LDB2: variants seen among roughly 807,000 people sequenced by gnomAD.
The protein encoded by LDB2 is LIM domain-binding protein 2.
In LDB2, 12 loss-of-function variants were observed where a neutral mutation model predicts 44.3. That is an observed-to-expected ratio of 0.27 (90% confidence interval 0.17 to 0.44). LDB2 has a LOEUF of 0.44. Ranked by LOEUF, LDB2 falls within the 20% of genes least tolerant of loss-of-function variation. LDB2 has a pLI of 1.00. For synonymous variants in LDB2, 164 were observed against 174.8 expected (o/e 0.94, Z 0.49); for missense variants, 344 against 473.5 (o/e 0.73, Z 2.54).
intron 2 of LDB2, 39 bp downstream of exon 2, chr4:16,759,119 A>G (rs940199609): frequency 1.4e-6 from 2 of 1,448,642 alleles, no homozygotes; most frequent in African/African-American, 2.8e-5. Context: ...TTACAGGCAC[A>G]AAACGAGGTA....
At chr4:16,542,842 G>A (rs772455724) in intron 5 of LDB2, among the ~76,000 whole-genome samples, 4 of 151,648 alleles carry the variant, frequency 2.6e-5, no homozygotes, top group Non-Finnish European at 4.4e-5. Flanking sequence ...TGTTACATAC[G>A]TATACATGTG....
chr4:16,759,928 TG>T (rs1258079792), intron 1 of LDB2, among the ~76,000 whole-genome samples: 4 of 152,188 alleles, frequency 2.6e-5, no homozygotes, highest in Admixed American at 6.5e-5. Flanking sequence ...GAATTCTGTT[TG>T]TTTGTTTTGG....
chr4:16,520,135 C>G (rs560812041), intron 5 of LDB2, among the ~76,000 whole-genome samples: 37 of 152,176 alleles, frequency 2.4e-4, no homozygotes, highest in African/African-American at 8.9e-4. Context: ...CCCTCCCCTC[C>G]CCGCCGCCCC....
At chr4:16,857,607 A>G (rs1434410180) in intron 1 of LDB2, among the ~76,000 whole-genome samples, 1 of 152,120 alleles carries the variant, frequency 6.6e-6, no homozygotes, top group Non-Finnish European at 1.5e-5. Flanking sequence ...TCCGAGCACA[A>G]AGAGGTCTTT....
At chr4:16,576,599 T>C (rs1240308586) in intron 5 of LDB2, among the ~76,000 whole-genome samples, 1 of 152,116 alleles carries the variant, frequency 6.6e-6, no homozygotes, top group Non-Finnish European at 1.5e-5. Flanking sequence ...AAAAAGGCTT[T>C]CAGCAAAGAA....
At chr4:16,874,425 CCTCT>C (rs541719557) in intron 1 of LDB2, among the ~76,000 whole-genome samples, 96 of 152,098 alleles carry the variant, frequency 6.3e-4, no homozygotes, top group Non-Finnish European at 9.6e-4. Flanking sequence ...TATGATTTAC[CCTCT>C]CTGTCAAGCC....
At chr4:16,782,369 G>C (rs1187804455) in intron 1 of LDB2, among the ~76,000 whole-genome samples, 2 of 105,598 alleles carry the variant, frequency 1.9e-5, no homozygotes. Flanking sequence ...TTTTTTTTTT[G>C]AGACGGAGTC....
intron 2 of LDB2, among the ~76,000 whole-genome samples, chr4:16,743,206 C>T (rs1366331615): frequency 2.0e-5 from 3 of 152,136 alleles, no homozygotes; most frequent in Non-Finnish European, 4.4e-5. Flanking sequence ...ATGAGAATTG[C>T]TTGAACCCAG....
In LDB2 at chr4:16,619,356, T is replaced by C. The variant is rs899672333; in HGVS notation, c.236-23481A>G. On this transcript the variant is annotated intron_variant, in intron 2 of 7. Transcript: ENST00000304523. ...GAACCTCCCCTAGTGGTCCTTCTGC[T>C]GAGAGGATAAATATTTCAGTTTTCA... Among the ~76,000 whole-genome samples, 4 of 152,154 alleles carry C rather than the reference T, an allele frequency of 2.6e-5. 1 individual carries two copies. The highest frequency in any genetic ancestry group is 2.6e-4 in the Admixed American group (4 of 15,270).
chr4:16,687,114 GA>G (rs61404516), intron 2 of LDB2, among the ~76,000 whole-genome samples: 9,374 of 146,650 alleles, frequency 0.064, 521 homozygotes, highest in African/African-American at 0.15. Flanking sequence ...CTATAAACTT[GA>G]AAAAAAAAAC....
chr4:16,656,369 G>C (rs997891219), intron 2 of LDB2, among the ~76,000 whole-genome samples: 4 of 152,174 alleles, frequency 2.6e-5, no homozygotes, highest in African/African-American at 9.7e-5. Context: ...TAGGAGTCCT[G>C]TAGCGCAGCC....
At chr4:16,543,148 A>C (rs1263224150) in intron 5 of LDB2, among the ~76,000 whole-genome samples, 1 of 152,120 alleles carries the variant, frequency 6.6e-6, no homozygotes, top group Non-Finnish European at 1.5e-5. Flanking sequence ...TATATGTGCC[A>C]CATTTCCTTA....
chr4:16,686,605 C>A (rs1749311954), intron 2 of LDB2, among the ~76,000 whole-genome samples: 1 of 152,190 alleles, frequency 6.6e-6, no homozygotes, highest in Admixed American at 6.5e-5. Flanking sequence ...TTCTTCCAAA[C>A]CACTGAGCTG....
At chr4:16,776,835 G>A (rs1331499915) in intron 1 of LDB2, among the ~76,000 whole-genome samples, 1 of 152,178 alleles carries the variant, frequency 6.6e-6, no homozygotes, top group African/African-American at 2.4e-5. Flanking sequence ...GGCCCTGCAG[G>A]GAACGTCTCT....
At chr4:16,717,758 T>C (rs778434010) in intron 2 of LDB2, among the ~76,000 whole-genome samples, 1 of 152,148 alleles carries the variant, frequency 6.6e-6, no homozygotes, top group Admixed American at 6.6e-5. Context: ...CCCAAATTTC[T>C]CCCACGCATT....
At chr4:16,782,066 C>A (rs770486776) in intron 1 of LDB2, among the ~76,000 whole-genome samples, 3 of 152,160 alleles carry the variant, frequency 2.0e-5, no homozygotes, top group Non-Finnish European at 4.4e-5. Flanking sequence ...TTAGGGCAGC[C>A]TAGGAAACAA....
At chr4:16,876,947 A>T (rs1718594706) in intron 1 of LDB2, among the ~76,000 whole-genome samples, 1 of 150,380 alleles carries the variant, frequency 6.6e-6, no homozygotes, top group Non-Finnish European at 1.5e-5. Context: ...TCGCTCTGTC[A>T]CACAGACTGG....
At chr4:16,542,770 CGTTTTGTTTTTGTTTTTT>C (rs1201672085) in intron 5 of LDB2, among the ~76,000 whole-genome samples, 2 of 151,590 alleles carry the variant, frequency 1.3e-5, no homozygotes, top group Non-Finnish European at 1.5e-5. Flanking sequence ...CTTGTGCCTT[CGTTTTGTTTTTGTTTTTT>C]GTTTTGTTTT....
At chr4:16,802,096 G>T (rs1387896556) in intron 1 of LDB2, among the ~76,000 whole-genome samples, 3 of 152,082 alleles carry the variant, frequency 2.0e-5, no homozygotes, top group African/African-American at 7.2e-5. Flanking sequence ...TGTAGGGAAG[G>T]GCTCCAAGTG....
Sources: allele counts gnomAD v4.1 joint callset (sites outside exome capture counted in the v4.1 genomes callset), GRCh38; gene constraint gnomAD v4.1.1; transcripts MANE v1.5; gene names NCBI Gene and HGNC (gene_info 2026-07-23, HGNC 2026-07-21).